ANKRD17: variants seen among roughly 807,000 people sequenced by gnomAD.
The protein encoded by ANKRD17 is ankyrin repeat domain-containing protein 17.
In ANKRD17, 19 loss-of-function variants were observed where a neutral mutation model predicts 229.7. The ratio of observed to expected loss-of-function variants is 0.08; its 90% confidence interval spans 0.06 to 0.12. The LOEUF (loss-of-function observed/expected upper bound fraction) is 0.12, where lower values mean the gene tolerates loss of function less well. ANKRD17 is among the 10% of genes least tolerant of loss of function. The pLI is 1.00. For missense variants in ANKRD17, 2,176 were observed against 3,176.8 expected, an observed-to-expected ratio of 0.68 and a Z score of 7.57; for synonymous variants, 1,112 against 1,146.1, an observed-to-expected ratio of 0.97 and a Z score of 0.60.
intron 1 of ANKRD17, among the ~76,000 whole-genome samples, chr4:73,234,245 CTCT>C (rs924902250): frequency 9.9e-5 from 15 of 152,238 alleles, no homozygotes; most frequent in African/African-American, 3.4e-4. Flanking sequence ...GAAATTTTAT[CTCT>C]TCAATTAAAA....
At chr4:73,113,289 A>C in intron 24 of ANKRD17, 1 of 1,289,358 alleles carries the variant, frequency 7.8e-7, no homozygotes, top group Non-Finnish European at 1.0e-6. Flanking sequence ...ATGGGAATAG[A>C]TGGGAATGAT....
intron 25 of ANKRD17, among the ~76,000 whole-genome samples, chr4:73,101,380 G>A (rs192297694): frequency 1.3e-5 from 2 of 152,198 alleles, no homozygotes; most frequent in African/African-American, 2.4e-5. Context: ...ATTATTTATA[G>A]GTGGCTGGCG....
intron 18 of ANKRD17, among the ~76,000 whole-genome samples, chr4:73,124,629 T>TACA (rs1186658044): frequency 6.6e-6 from 1 of 152,222 alleles, no homozygotes; most frequent in Non-Finnish European, 1.5e-5. Context: ...ATAGGCCCTG[T>TACA]ACATTAGGAA....
intron 1 of ANKRD17, among the ~76,000 whole-genome samples, chr4:73,234,352 A>G (rs1323139297): frequency 1.3e-5 from 2 of 152,258 alleles, no homozygotes; most frequent in Non-Finnish European, 2.9e-5. Flanking sequence ...TAAATAAAAT[A>G]CTAATTACAC....
At chr4:73,185,131 CT>C (rs1736116916) in intron 1 of ANKRD17, among the ~76,000 whole-genome samples, 1 of 151,852 alleles carries the variant, frequency 6.6e-6, no homozygotes, top group Non-Finnish European at 1.5e-5. Context: ...ATTTAGACTT[CT>C]TTACATTCAA....
intron 2 of ANKRD17, among the ~76,000 whole-genome samples, chr4:73,166,946 A>G (rs1191181227): frequency 6.6e-6 from 1 of 152,206 alleles, no homozygotes; most frequent in Non-Finnish European, 1.5e-5. Context: ...AAATCTCAAC[A>G]TTGACAGGAT....
chr4:73,179,299 T>C (rs756093645), intron 1 of ANKRD17, among the ~76,000 whole-genome samples: 42 of 151,154 alleles, frequency 2.8e-4, no homozygotes, highest in South Asian at 1.0e-3. Context: ...ATTTTTTAAA[T>C]TTCATAAAAT....
chr4:73,101,389 C>T (rs949373916), intron 25 of ANKRD17, among the ~76,000 whole-genome samples: 3 of 152,022 alleles, frequency 2.0e-5, no homozygotes, highest in Non-Finnish European at 2.9e-5. Flanking sequence ...AGGTGGCTGG[C>T]GCAGTGGCTC....
At chr4:73,147,578 C>T (rs1433858817) in intron 8 of ANKRD17, 146 bp from the exon 9 acceptor site, 2 of 628,486 alleles carry the variant, frequency 3.2e-6, no homozygotes, top group East Asian at 3.4e-5. Flanking sequence ...CTCCTAACTC[C>T]TAAGGCAGTT....
intron 3 of ANKRD17, among the ~76,000 whole-genome samples, chr4:73,159,949 C>CCT (rs1194911202): frequency 4.6e-5 from 7 of 152,108 alleles, no homozygotes; most frequent in African/African-American, 1.7e-4. Context: ...TACTATCTAA[C>CCT]CTCTCTTTTA....
At chr4:73,180,878 T>C (rs141597072) in intron 1 of ANKRD17, among the ~76,000 whole-genome samples, 3 of 152,316 alleles carry the variant, frequency 2.0e-5, no homozygotes, top group African/African-American at 4.8e-5. Flanking sequence ...AATTTTTTCA[T>C]AGATTTATCA....
chr4:73,201,694 T>A (rs1164736265), intron 1 of ANKRD17, among the ~76,000 whole-genome samples: 1 of 152,182 alleles, frequency 6.6e-6, no homozygotes, highest in East Asian at 1.9e-4. Flanking sequence ...AAGTTTTCCA[T>A]GTCATTCCTA....
chr4:73,113,372 A>G, intron 24 of ANKRD17: 1 of 1,289,864 alleles, frequency 7.8e-7, no homozygotes. Context: ...TTGACATTCC[A>G]AGATTTGTAT....
At position 73,161,262 on chromosome 4, in the gene ANKRD17, A is replaced by G; in HGVS notation, c.634T>C (p.Leu212=). The G allele has an allele frequency of 6.2e-7, 1 of 1,614,228 alleles. No individual in the cohort carries two copies. The highest frequency in any genetic ancestry group is 1.1e-5 in the South Asian group (1 of 91,092). Residue 212 remains leucine, a synonymous_variant, in exon 3 of 34, where the codon TTG becomes CTG. Coordinates refer to ENST00000358602, the MANE Select transcript of ANKRD17 (RefSeq NM_032217.5). The part of the protein sequence containing the change: ...RRLTSSVSCA[L]DEAAAALTRM... ...GTAAGTGCAGCAGCAGCTTCATCCA[A>G]CGCACAACTAACAGACGATGTCAAC...
Position 73,144,775 on chromosome 4 carries a change from C to T in ANKRD17, c.1927G>A (p.Val643Ile). The change falls in exon 11 of 34, where the codon GTT becomes ATT. Residue 643 changes from valine to isoleucine, a missense_variant. Val to Ile is a conservative substitution (Grantham distance 29). Transcript: ENST00000358602. ...PLMKAARAGH[V>I]CTVQFLISKG... is the part of the protein sequence containing the mutation. ...CTAATTAAGAACTGAACAGTACAAA[C>T]ATGACCAGCTCTTGCAGCTTTCATT... The T allele has an allele frequency of 6.2e-7, 1 of 1,604,894 alleles. No homozygotes were observed. Among genetic ancestry groups the T allele is most frequent in the Non-Finnish European group, 8.5e-7 (1 of 1,176,786 alleles).
chr4:73,078,694 T>C lies in ANKRD17; in HGVS notation c.7356A>G (p.Thr2452=), dbSNP rs748148031. The change falls in exon 31 of 34, where the codon ACA becomes ACG. Residue 2452 remains threonine (T), a synonymous_variant. Transcript: ENST00000358602. ...ACCAGATGCCACTATGTCCTACTGA[T>C]GTAGACAAATTGCTCCCAATAACAG... ...APSVIGSNLS[T]SVGHSGIWSF... is the part of the protein sequence containing the mutation. 5 of 1,614,218 alleles carry C rather than the reference T, an allele frequency of 3.1e-6. No homozygotes were observed. Among genetic ancestry groups the C allele is most frequent in the Non-Finnish European group, 4.2e-6 (5 of 1,180,034 alleles).
chr4:73,188,111 C>T (rs1374625062), intron 1 of ANKRD17, among the ~76,000 whole-genome samples: 1 of 151,734 alleles, frequency 6.6e-6, no homozygotes, highest in African/African-American at 2.4e-5. Flanking sequence ...TATACAAGGG[C>T]ACATTCTTGG....
At position 73,258,683 on chromosome 4, in the gene ANKRD17, G is replaced by T; in HGVS notation, c.-15C>A. ...GCCTTCTCCATCCCCAGGGAAAGAG[G>T]GAGGGCGCGGACGGGGGAGGGGCGT... is the stretch of plus-strand genomic sequence containing the variant. On this transcript the variant is annotated 5_prime_UTR_variant, in exon 1 of 34. Coordinates refer to ENST00000358602, the MANE Select transcript of ANKRD17 (RefSeq NM_032217.5). 5 of 1,452,888 alleles carry T rather than the reference G, an allele frequency of 3.4e-6. No homozygotes were observed. Among genetic ancestry groups the T allele is most frequent in the Non-Finnish European group, 4.5e-6 (5 of 1,113,024 alleles). The allele number at this position is 1,452,888 out of a possible 1,614,324, so 90.0% of individuals were successfully genotyped here.
At chr4:73,147,547 A>AGTAAT in intron 8 of ANKRD17, 115 bp from the exon 9 acceptor site, 1 of 876,016 alleles carries the variant, frequency 1.1e-6, no homozygotes, top group Non-Finnish European at 1.6e-6. Flanking sequence ...ATATTACTAT[A>AGTAAT]ATAAATAAGA....
Sources: gnomAD v4.1 joint callset for allele counts (sites outside exome capture counted in the v4.1 genomes callset) on GRCh38, gnomAD v4.1.1 for gene constraint, MANE v1.5 for transcripts, NCBI Gene and HGNC (gene_info 2026-07-23, HGNC 2026-07-21) for gene names.